Variants in LMF1 observed in about 807,000 individuals in gnomAD.
LMF1 encodes the protein lipase maturation factor 1, also known as transmembrane protein 112.
In LMF1, 68 loss-of-function variants were observed where a neutral mutation model predicts 60.6. That is an observed-to-expected ratio of 1.12 (90% CI 0.92 to 1.37). LMF1 has a LOEUF of 1.37. Among genes scored for constraint, LMF1 ranks in the 40% most tolerant of loss-of-function variants. The pLI is 0.00. For missense variants in LMF1, 948 were observed against 767.2 expected (o/e 1.24, Z -2.78); for synonymous variants, 418 against 324.7 (o/e 1.29, Z -3.09).
At chr16:882,830 C>T (rs1448384063) in intron 5 of LMF1, among the ~76,000 whole-genome samples, 1 of 150,060 alleles carries the variant, frequency 6.7e-6, no homozygotes, top group Non-Finnish European at 1.5e-5. Flanking sequence ...ATCACAGGAC[C>T]AGGAGAAAGA....
At chr16:893,355 GCAT>G (rs2070548922) in intron 4 of LMF1, 2 of 558,716 alleles carry the variant, frequency 3.6e-6, no homozygotes, top group Non-Finnish European at 6.8e-6. Context: ...AGAGCTCCAC[GCAT>G]CATCACGCTA....
rs371701848 is a variant in LMF1 at position 870,339 on chromosome 16, G to T, written c.1233-273C>A. Among the ~76,000 whole-genome samples, 7 of 152,364 alleles carry T rather than the reference G, an allele frequency of 4.6e-5. No homozygotes were observed. In the South Asian group the frequency reaches 1.0e-3, roughly 23 times the overall value. On this transcript the variant is annotated intron_variant, in intron 8 of 10. Coordinates refer to ENST00000262301, the MANE Select transcript of LMF1 (RefSeq NM_022773.4). Reference sequence around the variant, plus strand: ...GTGCCCCATGCCCCTCGGCAGCTCAGGGTGGACATGAGGGGGACAGAGGCC... The same window carrying T: ...GTGCCCCATGCCCCTCGGCAGCTCATGGTGGACATGAGGGGGACAGAGGCC...
intron 3 of LMF1, among the ~76,000 whole-genome samples, chr16:930,222 G>T (rs1385638354): frequency 7.2e-6 from 1 of 139,486 alleles, no homozygotes; most frequent in Non-Finnish European, 1.6e-5. Flanking sequence ...GCAGGGCCCT[G>T]GGACACAGAG....
chr16:966,150 TGG>T (rs201534477), intron 1 of LMF1, among the ~76,000 whole-genome samples: 7,443 of 151,766 alleles, frequency 0.049, 194 homozygotes, highest in Non-Finnish European at 0.065. Flanking sequence ...AGAGGCCAGG[TGG>T]TCTCAGGACC....
At chr16:924,590 C>G (rs1433666576) in intron 3 of LMF1, among the ~76,000 whole-genome samples, 1 of 152,286 alleles carries the variant, frequency 6.6e-6, no homozygotes, top group South Asian at 2.1e-4. Flanking sequence ...ACCACACCAT[C>G]GGCCACTGTC....
intron 10 of LMF1, among the ~76,000 whole-genome samples, chr16:864,400 C>T (rs2069554436): frequency 1.3e-5 from 2 of 152,168 alleles, no homozygotes; most frequent in South Asian, 4.1e-4. Context: ...ACTGTGAGTG[C>T]CCAGACAACT....
In LMF1 at chr16:878,673, C is replaced by T. The variant is rs73497224; in HGVS notation, c.897+897G>A. Among the ~76,000 whole-genome samples the T allele has an allele frequency of 0.071, 10,286 of 144,718 alleles. 847 individuals carry two copies. The highest frequency in any genetic ancestry group is 0.18 in the Admixed American group (2,611 of 14,696). The allele number at this position is 144,718 out of a possible 152,430, so 94.9% of individuals were successfully genotyped here. A position where few individuals can be genotyped will look rare whatever the true frequency, so the allele number is the denominator to read the frequency against. On this transcript the variant is annotated intron_variant, in intron 6 of 10. Transcript: ENST00000262301. The surrounding 1 kb of genome is among the most constrained non-coding windows in gnomAD (Gnocchi z 5.2). ...ACGTGCACCAACGTGGCGTGGCACCCGTGCCTGCTGACGGAGCTTTGCCCC... is the reference window on the plus strand; with the variant it reads ...ACGTGCACCAACGTGGCGTGGCACCTGTGCCTGCTGACGGAGCTTTGCCCC...
intron 1 of LMF1, among the ~76,000 whole-genome samples, chr16:969,375 A>T (rs1319869574): frequency 6.6e-6 from 1 of 152,164 alleles, no homozygotes. Context: ...AGAGACACAG[A>T]CCCAGTTGAA....
At chr16:937,374 G>T (rs2071976401) in intron 2 of LMF1, among the ~76,000 whole-genome samples, 1 of 152,216 alleles carries the variant, frequency 6.6e-6, no homozygotes, top group African/African-American at 2.4e-5. Context: ...GTGGGACGTA[G>T]ATTTTGCTTT....
At chr16:933,716 C>T (rs2071857861) in intron 3 of LMF1, 1 of 316,444 alleles carries the variant, frequency 3.2e-6, no homozygotes, top group South Asian at 2.9e-5. Context: ...GGCCTCCGGG[C>T]CCAATGGAGG....
intron 4 of LMF1, among the ~76,000 whole-genome samples, chr16:896,273 T>G (rs902605379): frequency 2.0e-5 from 3 of 151,966 alleles, no homozygotes; most frequent in African/African-American, 7.3e-5. Context: ...TCGGAGGGGT[T>G]GTGAGGCTCA....
chr16:932,868 C>G (rs989642295), intron 3 of LMF1, among the ~76,000 whole-genome samples: 1 of 151,358 alleles, frequency 6.6e-6, no homozygotes, highest in African/African-American at 2.5e-5. Context: ...ACCACACACG[C>G]TTCCTCACGT....
chr16:866,749 G>A (rs1419667319), intron 10 of LMF1, among the ~76,000 whole-genome samples: 1 of 152,172 alleles, frequency 6.6e-6, no homozygotes, highest in Non-Finnish European at 1.5e-5. Context: ...TTGCTAGGCT[G>A]CTCTTTTCTG....
intron 3 of LMF1, among the ~76,000 whole-genome samples, chr16:915,693 T>A (rs1433327617): frequency 6.6e-6 from 1 of 151,980 alleles, no homozygotes; most frequent in Non-Finnish European, 1.5e-5. Flanking sequence ...CCAGGCAGAG[T>A]GCTGGGGTGG....
rs199702457 is a variant in LMF1 at position 911,042 on chromosome 16, C to T, written c.552G>A (p.Gly184=). 1.2e-6 allele frequency: 2 copies of T among 1,612,870 alleles called. No homozygotes were observed. Among genetic ancestry groups the T allele is most frequent in the East Asian group, 2.2e-5 (1 of 44,838 alleles). ...ESQLLETGFL[G]IFLCPLWTLS... ...GCGTCCACAGAGGGCACAGGAAGAT[C>T]CCCAGGAACCCCGTCTCCAGAAGCT... Residue 184 remains glycine, a synonymous_variant, in exon 4 of 11, where the codon GGG becomes GGA. Coordinates refer to ENST00000262301, the MANE Select transcript of LMF1 (RefSeq NM_022773.4).
chr16:975,699 G>A (rs1268791086), upstream of LMF1: 1 of 425,210 alleles, frequency 2.4e-6, no homozygotes, highest in Non-Finnish European at 4.7e-6. Context: ...CCCGCCTGAG[G>A]GCATCTTAAT....
intron 10 of LMF1, among the ~76,000 whole-genome samples, chr16:861,357 T>TC (rs2069460655): frequency 1.7e-5 from 2 of 115,916 alleles, no homozygotes; most frequent in South Asian, 5.0e-4. Context: ...TTTCTTTCTT[T>TC]TTTTTTTTTT....
At chr16:898,169 G>C (rs2070715151) in intron 4 of LMF1, among the ~76,000 whole-genome samples, 1 of 152,238 alleles carries the variant, frequency 6.6e-6, no homozygotes, top group Non-Finnish European at 1.5e-5. Flanking sequence ...CAGACACGCA[G>C]CTGACTGGCT....
intron 6 of LMF1, 82 bp downstream of exon 6, chr16:879,488 C>A: frequency 6.6e-7 from 1 of 1,513,348 alleles, no homozygotes; most frequent in Admixed American, 1.9e-5. Flanking sequence ...CCAGGGTCCT[C>A]CCAGAGAGCG....
Sources: gnomAD v4.1 joint callset for allele counts (sites outside exome capture counted in the v4.1 genomes callset) on GRCh38, gnomAD v4.1.1 for gene constraint, Gnocchi (gnomAD v3.1) non-coding constraint, MANE v1.5 for transcripts, NCBI Gene and HGNC (gene_info 2026-07-23, HGNC 2026-07-21) for gene names.